Variants in PARD3B observed in about 807,000 individuals in gnomAD.
The protein encoded by PARD3B is partitioning defective 3 homolog B.
Under a neutral mutation model 130.2 loss-of-function variants are expected in PARD3B, and 103 were observed. The observed-to-expected ratio is 0.79, with a 90% CI of 0.67 to 0.93. PARD3B has a LOEUF of 0.93. PARD3B is among the 40% of genes least tolerant of loss of function. PARD3B has a pLI of 0.00. For missense variants in PARD3B, 1,609 were observed against 1,499.2 expected (o/e 1.07, Z -1.21); for synonymous variants, 583 against 553.2 (o/e 1.05, Z -0.76).
intron 2 of PARD3B, among the ~76,000 whole-genome samples, chr2:204,959,225 G>T (rs1052908968): frequency 7.2e-5 from 11 of 152,072 alleles, no homozygotes; most frequent in African/African-American, 2.7e-4. Context: ...GAGAACATGC[G>T]GTGTTTGGTT....
Position 205,463,630 on chromosome 2 carries a change from A to G in PARD3B, c.3044+22958A>G, listed in dbSNP as rs946475414. Among the ~76,000 whole-genome samples, 8 of 152,210 alleles carry G rather than the reference A, an allele frequency of 5.3e-5. No individual in the cohort carries two copies. Among genetic ancestry groups the G allele is most frequent in the African/African-American group, 1.9e-4 (8 of 41,458 alleles). On this transcript the variant is annotated intron_variant, in intron 20 of 22. Coordinates refer to ENST00000406610, the MANE Select transcript of PARD3B (RefSeq NM_001302769.2). The surrounding 1 kb of genome is among the most constrained non-coding windows in gnomAD (Gnocchi z 4.8). Reference sequence around the variant, plus strand: ...GCAAAATTAAGATTTCGTAAGTGGCATTTTAAATGAATGGTTAATGGCTGA... The same window carrying G: ...GCAAAATTAAGATTTCGTAAGTGGCGTTTTAAATGAATGGTTAATGGCTGA...
rs2031325469 is a variant in PARD3B, at chr2:205,125,826, A to G, written c.1434+89A>G. The G allele has an allele frequency of 1.3e-6, 2 of 1,498,908 alleles. No homozygotes were observed. Among genetic ancestry groups the G allele is most frequent in the African/African-American group, 1.4e-5 (1 of 72,116 alleles). 92.9% of individuals were successfully genotyped at this position (1,498,908 alleles called of 1,614,324 possible). On this transcript the variant is annotated intron_variant, in intron 10 of 22. Coordinates refer to ENST00000406610, the MANE Select transcript of PARD3B (RefSeq NM_001302769.2). The surrounding 1 kb of genome is among the most constrained non-coding windows in gnomAD (Gnocchi z 4.0). ...ATTATAGCTGAGAAACGAGTTCTAAATCACAGGCTTCATTCATAACCAAAA... is the reference window on the plus strand; with the variant it reads ...ATTATAGCTGAGAAACGAGTTCTAAGTCACAGGCTTCATTCATAACCAAAA...
rs376806102 is a variant in PARD3B at position 204,950,492 on chromosome 2, C to T, written c.223-14660C>T. 3.7e-4 allele frequency among the ~76,000 whole-genome samples: 57 copies of T among 152,056 alleles called. 1 individual carries two copies. The South Asian group carries it at 0.011, about 31-fold the overall frequency. ...GAAAGAGTACCAGTAGATGCGAGGG[C>T]GTGCGGGGTGGGAGGAGGCCAGTGC... On this transcript the variant is annotated intron_variant, in intron 2 of 22. Transcript: ENST00000406610.
Position 205,139,181 on chromosome 2 carries a change from T to C in PARD3B, c.1434+13444T>C, listed in dbSNP as rs192711959. On this transcript the variant is annotated intron_variant, in intron 10 of 22. Transcript: ENST00000406610. ...TGTAGCCAAAATTTATCAGTATTTT[T>C]TTTTTTTAAGAAAAACAAAGGCTCA... 6.0e-4 allele frequency among the ~76,000 whole-genome samples: 92 copies of C among 152,278 alleles called. 1 individual carries two copies. In the East Asian group the frequency reaches 0.017, roughly 29 times the overall value.
rs1292719739 is a variant in PARD3B, at chr2:204,734,691, TTAA to T, written c.222+48410_222+48412del. On this transcript the variant is annotated intron_variant, in intron 2 of 22. Coordinates refer to ENST00000406610, the MANE Select transcript of PARD3B (RefSeq NM_001302769.2). ...AATATGATTCCATTAAATGAAATTC[TTAA>T]AGAGCAAAACTGTAATGATACAAAT... 2.0e-5 allele frequency among the ~76,000 whole-genome samples: 3 copies of T among 152,290 alleles called. No homozygotes were observed. In the East Asian group the frequency reaches 5.8e-4, roughly 29 times the overall value.
chr2:205,124,989 A>C (rs2031213182), intron 9 of PARD3B, among the ~76,000 whole-genome samples: 2 of 152,216 alleles, frequency 1.3e-5, no homozygotes, highest in African/African-American at 4.8e-5. Flanking sequence ...GTTTTCATTT[A>C]TTTTTGTCTG....
At chr2:204,697,266 T>G (rs1380964263) in intron 2 of PARD3B, among the ~76,000 whole-genome samples, 1 of 152,094 alleles carries the variant, frequency 6.6e-6, no homozygotes, top group African/African-American at 2.4e-5. Context: ...TTGGTTGACT[T>G]ACTTGGAAAT....
At chr2:205,296,376 G>T (rs781261016) in intron 16 of PARD3B, among the ~76,000 whole-genome samples, 3 of 152,146 alleles carry the variant, frequency 2.0e-5, no homozygotes, top group Non-Finnish European at 4.4e-5. Flanking sequence ...CAGCTGTAAG[G>T]CAAGGGCAGG....
At chr2:205,336,207 G>C (rs2043309679) in intron 18 of PARD3B, among the ~76,000 whole-genome samples, 1 of 152,144 alleles carries the variant, frequency 6.6e-6, no homozygotes, top group East Asian at 1.9e-4. Context: ...GAGTAATTTT[G>C]GGTAACTTCA....
chr2:205,506,522 G>A (rs1418959272), intron 21 of PARD3B, among the ~76,000 whole-genome samples: 2 of 152,160 alleles, frequency 1.3e-5, no homozygotes, highest in Admixed American at 1.3e-4. Context: ...TGATCTGGAT[G>A]ACAAGAGACA....
intron 16 of PARD3B, among the ~76,000 whole-genome samples, chr2:205,273,876 T>G (rs1273789383): frequency 6.6e-6 from 1 of 152,198 alleles, no homozygotes; most frequent in East Asian, 1.9e-4. Context: ...ATCTTGAACT[T>G]TTGTTACAAG....
At chr2:205,531,216 T>G (rs1447866420) in intron 21 of PARD3B, among the ~76,000 whole-genome samples, 1 of 152,170 alleles carries the variant, frequency 6.6e-6, no homozygotes, top group Non-Finnish European at 1.5e-5. Context: ...ATGTGGCCAT[T>G]GATGGTCTGC....
At chr2:205,238,937 CAT>C (rs57497696) in intron 15 of PARD3B, among the ~76,000 whole-genome samples, 22,049 of 92,180 alleles carry the variant, frequency 0.24, 2,086 homozygotes, top group East Asian at 0.4. Context: ...TATGTATGTG[CAT>C]ATATATATAT....
At chr2:205,064,620 C>T (rs142405728) in intron 4 of PARD3B, among the ~76,000 whole-genome samples, 4,322 of 152,188 alleles carry the variant, frequency 0.028, 83 homozygotes, top group Non-Finnish European at 0.04. Flanking sequence ...TGGAAGACTG[C>T]GCAGACATTC....
Position 205,158,706 on chromosome 2 carries a change from T to G in PARD3B, c.1435-16T>G. 1 of 1,595,472 alleles carries G rather than the reference T, an allele frequency of 6.3e-7. No individual in the cohort carries two copies. The highest frequency in any genetic ancestry group is 8.5e-7 in the Non-Finnish European group (1 of 1,169,648). On this transcript the variant is annotated splice_polypyrimidine_tract_variant and intron_variant, in intron 10 of 22. Coordinates refer to ENST00000406610, the MANE Select transcript of PARD3B (RefSeq NM_001302769.2). This position sits in a 1 kb window ranked among gnomAD's most constrained non-coding sequence, Gnocchi z 5.4. ...CTTTCTTCTCTTCACTCTTTTCATG[T>G]GTATTCCCCTAACAGAAAGGAGAAC...
chr2:204,677,616 A>C lies in PARD3B; in HGVS notation c.121-8565A>C, dbSNP rs191503549. ...AAAATACTCTAAATGTAGTGGGACCACTTTGGCACAGAGTGAAACGATTCC... is the reference window on the plus strand; with the variant it reads ...AAAATACTCTAAATGTAGTGGGACCCCTTTGGCACAGAGTGAAACGATTCC... On this transcript the variant is annotated intron_variant, in intron 1 of 22. Coordinates refer to ENST00000406610, the MANE Select transcript of PARD3B (RefSeq NM_001302769.2). The surrounding 1 kb of genome is among the most constrained non-coding windows in gnomAD (Gnocchi z 4.1). Among the ~76,000 whole-genome samples the C allele has an allele frequency of 1.3e-5, 2 of 152,230 alleles. No individual in the cohort carries two copies. Among genetic ancestry groups the C allele is most frequent in the Admixed American group, 1.3e-4 (2 of 15,280 alleles).
intron 2 of PARD3B, among the ~76,000 whole-genome samples, chr2:204,728,390 G>T (rs949529379): frequency 3.9e-5 from 6 of 152,008 alleles, no homozygotes; most frequent in Non-Finnish European, 7.4e-5. Flanking sequence ...GACATGAGAT[G>T]CAGGAAGAAG....
At chr2:205,029,294 T>G (rs148506207) in intron 3 of PARD3B, among the ~76,000 whole-genome samples, 1 of 152,268 alleles carries the variant, frequency 6.6e-6, no homozygotes, top group African/African-American at 2.4e-5. Context: ...ATCATTGTCT[T>G]TCTACAGAAG....
chr2:204,612,953 A>G (rs2033983318), intron 1 of PARD3B, among the ~76,000 whole-genome samples: 1 of 152,070 alleles, frequency 6.6e-6, no homozygotes, highest in Admixed American at 6.6e-5. Context: ...CTGCTTCATT[A>G]ATTAAAAATG....
Sources: gnomAD v4.1 joint callset for allele counts (sites outside exome capture counted in the v4.1 genomes callset) on GRCh38, gnomAD v4.1.1 for gene constraint, Gnocchi (gnomAD v3.1) non-coding constraint, MANE v1.5 for transcripts, NCBI Gene and HGNC (gene_info 2026-07-23, HGNC 2026-07-21) for gene names.